EIPR1: variants seen among roughly 807,000 people sequenced by gnomAD.
EIPR1 encodes the protein EARP complex and GARP complex interacting protein 1.
A neutral mutation model predicts 48.1 loss-of-function variants in EIPR1; 25 were observed. The observed-to-expected ratio is 0.52, with a 90% CI of 0.38 to 0.73. The LOEUF (loss-of-function observed/expected upper bound fraction) is 0.73. Ranked by LOEUF, EIPR1 falls within the 30% of genes least tolerant of loss-of-function variation. EIPR1 has a pLI of 0.00. For missense variants in EIPR1, 415 were observed against 506.2 expected (o/e 0.82, Z 1.73); for synonymous variants, 204 against 201.9 (o/e 1.01, Z -0.09).
At chr2:3,208,552 A>G in intron 5 of EIPR1, 2 of 1,549,164 alleles carry the variant, frequency 1.3e-6, no homozygotes, top group Non-Finnish European at 1.7e-6. Flanking sequence ...GTGAGAAATG[A>G]CCATTTGTTG....
At chr2:3,284,888 G>C (rs889284634) in intron 3 of EIPR1, among the ~76,000 whole-genome samples, 2 of 152,152 alleles carry the variant, frequency 1.3e-5, no homozygotes, top group Non-Finnish European at 2.9e-5. Context: ...GGTAGATCGT[G>C]GTGAGGTCAC....
chr2:3,371,034 G>A (rs1261330876), intron 1 of EIPR1, among the ~76,000 whole-genome samples: 2 of 152,216 alleles, frequency 1.3e-5, no homozygotes, highest in South Asian at 2.1e-4. Context: ...ACTAACAGCG[G>A]ATCTCTCGGC....
At chr2:3,252,140 G>A (rs985375624) in intron 4 of EIPR1, among the ~76,000 whole-genome samples, 3 of 152,180 alleles carry the variant, frequency 2.0e-5, no homozygotes, top group African/African-American at 4.8e-5. Flanking sequence ...TCAAATACGC[G>A]GAGTGTCCGC....
At chr2:3,251,321 G>A (rs1237799292) in intron 4 of EIPR1, among the ~76,000 whole-genome samples, 1 of 152,136 alleles carries the variant, frequency 6.6e-6, no homozygotes, top group Non-Finnish European at 1.5e-5. Flanking sequence ...GTGGGAAGAG[G>A]GTCTGTAATT....
intron 3 of EIPR1, among the ~76,000 whole-genome samples, chr2:3,302,832 C>T (rs1403025937): frequency 6.6e-6 from 1 of 152,222 alleles, no homozygotes; most frequent in Non-Finnish European, 1.5e-5. Context: ...CGGGGCGCTC[C>T]AGCAGGGCGT....
chr2:3,323,837 T>C (rs981642203), intron 3 of EIPR1, among the ~76,000 whole-genome samples: 2 of 152,214 alleles, frequency 1.3e-5, no homozygotes, highest in Non-Finnish European at 2.9e-5. Flanking sequence ...TGAACCCATC[T>C]GCATAAGGAG....
chr2:3,363,133 T>C (rs1237660833), intron 1 of EIPR1, among the ~76,000 whole-genome samples: 1 of 151,978 alleles, frequency 6.6e-6, no homozygotes, highest in Non-Finnish European at 1.5e-5. Context: ...CAGCCTGCGA[T>C]GGGGGCCGGG....
At chr2:3,308,781 G>T (rs1383847486) in intron 3 of EIPR1, among the ~76,000 whole-genome samples, 1 of 152,088 alleles carries the variant, frequency 6.6e-6, no homozygotes, top group Non-Finnish European at 1.5e-5. Context: ...CATTCAAACT[G>T]GATCACCAAG....
chr2:3,321,048 A>G (rs867349775), intron 3 of EIPR1, among the ~76,000 whole-genome samples: 3 of 152,218 alleles, frequency 2.0e-5, no homozygotes, highest in African/African-American at 7.2e-5. Context: ...TTTATCTAAC[A>G]TATCTGAACA....
chr2:3,372,409 C>CA (rs1178317412), intron 1 of EIPR1, among the ~76,000 whole-genome samples: 9 of 149,342 alleles, frequency 6.0e-5, no homozygotes, highest in African/African-American at 1.7e-4. Flanking sequence ...AATAGAGACA[C>CA]AAAAAACCCT....
intron 3 of EIPR1, among the ~76,000 whole-genome samples, chr2:3,267,142 G>C (rs1667514512): frequency 6.6e-6 from 1 of 152,236 alleles, no homozygotes; most frequent in Non-Finnish European, 1.5e-5. Flanking sequence ...GCCCAGTGGG[G>C]TCAGTGTATC....
intron 3 of EIPR1, among the ~76,000 whole-genome samples, chr2:3,257,941 G>C (rs1480715607): frequency 1.3e-5 from 2 of 152,176 alleles, no homozygotes; most frequent in East Asian, 1.9e-4. Context: ...TTCTGCCTCA[G>C]TTTACCTAAA....
intron 5 of EIPR1, among the ~76,000 whole-genome samples, chr2:3,202,017 A>G (rs1048954772): frequency 3.9e-5 from 6 of 152,186 alleles, no homozygotes; most frequent in South Asian, 2.1e-4. Flanking sequence ...GCTCACTGCA[A>G]GCTCCAATTC....
chr2:3,366,441 A>T (rs1220471634), intron 1 of EIPR1, among the ~76,000 whole-genome samples: 2 of 152,234 alleles, frequency 1.3e-5, no homozygotes, highest in African/African-American at 4.8e-5. Context: ...TGGAAAGGAC[A>T]CAAAGACAGA....
At chr2:3,208,599 C>CTA in intron 5 of EIPR1, 1 of 1,550,672 alleles carries the variant, frequency 6.4e-7, no homozygotes, top group Non-Finnish European at 8.7e-7. Flanking sequence ...AGTGAGCTCA[C>CTA]TGAGTGTCTG....
intron 4 of EIPR1, among the ~76,000 whole-genome samples, chr2:3,226,000 CTA>C: frequency 6.6e-6 from 1 of 152,350 alleles, no homozygotes; most frequent in African/African-American, 2.4e-5. Flanking sequence ...ATATTCCACT[CTA>C]TATGTATCTA....
chr2:3,358,873 G>T (rs1158361435), intron 1 of EIPR1, among the ~76,000 whole-genome samples: 1 of 152,158 alleles, frequency 6.6e-6, no homozygotes, highest in African/African-American at 2.4e-5. Flanking sequence ...TATCACCCTA[G>T]ACGTTAAAAA....
intron 5 of EIPR1, among the ~76,000 whole-genome samples, chr2:3,205,543 C>A (rs1292461685): frequency 6.6e-6 from 1 of 152,342 alleles, no homozygotes; most frequent in East Asian, 1.9e-4. Context: ...TATTTCCAAG[C>A]TTCTTGTTAT....
intron 1 of EIPR1, among the ~76,000 whole-genome samples, chr2:3,365,513 A>G (rs1298038141): frequency 6.7e-6 from 1 of 148,512 alleles, no homozygotes; most frequent in African/African-American, 2.5e-5. Flanking sequence ...TTTATTGATC[A>G]TTCTTGGGTG....
Sources: allele counts gnomAD v4.1 joint callset (sites outside exome capture counted in the v4.1 genomes callset), GRCh38; gene constraint gnomAD v4.1.1; transcripts MANE v1.5; gene names NCBI Gene and HGNC (gene_info 2026-07-23, HGNC 2026-07-21).